Variants in NAV2 observed in about 807,000 individuals in gnomAD.
NAV2 encodes helicase, APC down-regulated 1.
A neutral mutation model predicts 223.2 loss-of-function variants in NAV2; 54 were observed. The observed-to-expected ratio is 0.24, with a 90% confidence interval of 0.19 to 0.30. The LOEUF is 0.30. NAV2 is among the 10% of genes least tolerant of loss of function. NAV2 has a pLI of 1.00. For synonymous variants in NAV2, 1,279 were observed against 1,239.3 expected (o/e 1.03, Z -0.67); for missense variants, 2,806 against 3,147.5 (o/e 0.89, Z 2.60).
In NAV2 at chr11:19,675,024, C is replaced by T. The variant is rs531428047; in HGVS notation, c.76-157460C>T. Among the ~76,000 whole-genome samples, 57 of 152,188 alleles carry T rather than the reference C, an allele frequency of 3.7e-4. No homozygotes were observed. In the South Asian group the frequency reaches 0.012, roughly 32 times the overall value. On this transcript the variant is annotated intron_variant, in intron 1 of 37. Coordinates refer to the NAV2 transcript ENST00000360655. ...ATCAAGAGCCTGAGTGCTTCTAATCCGTCCCCCTCAGGACCTCCAGAGACC... is the reference window on the plus strand; with the variant it reads ...ATCAAGAGCCTGAGTGCTTCTAATCTGTCCCCCTCAGGACCTCCAGAGACC...
At chr11:19,463,330 G>A (rs1852231685) in intron 1 of NAV2, among the ~76,000 whole-genome samples, 2 of 152,152 alleles carry the variant, frequency 1.3e-5, no homozygotes, top group African/African-American at 2.4e-5. Flanking sequence ...AGTTGCCTTC[G>A]AGCAGCTCAC....
intron 1 of NAV2, among the ~76,000 whole-genome samples, chr11:19,353,023 T>C (rs1473229019): frequency 4.6e-5 from 7 of 152,142 alleles, no homozygotes; most frequent in African/African-American, 7.2e-5. Context: ...AAGGCGACTC[T>C]ACAGTGTTTT....
chr11:19,355,638 A>G (rs1384188019), intron 1 of NAV2, among the ~76,000 whole-genome samples: 2 of 151,960 alleles, frequency 1.3e-5, no homozygotes, highest in Non-Finnish European at 2.9e-5. Flanking sequence ...CACTGCTACC[A>G]CCCTAGTTTA....
chr11:19,481,047 G>A (rs1312829708), intron 1 of NAV2, among the ~76,000 whole-genome samples: 6 of 152,134 alleles, frequency 3.9e-5, no homozygotes, highest in East Asian at 1.9e-4. Flanking sequence ...CCTGCAGCCC[G>A]GACAGGTGAC....
intron 3 of NAV2, among the ~76,000 whole-genome samples, chr11:19,854,615 C>G (rs1464558330): frequency 6.6e-6 from 1 of 152,098 alleles, no homozygotes; most frequent in African/African-American, 2.4e-5. Context: ...TGTTACCTGC[C>G]TATCCCCCTG....
chr11:20,037,830 C>A (rs556041564), intron 12 of NAV2, among the ~76,000 whole-genome samples: 1 of 152,302 alleles, frequency 6.6e-6, no homozygotes. Context: ...TTTTCCTTTC[C>A]TTGTGAACAC....
intron 1 of NAV2, among the ~76,000 whole-genome samples, chr11:19,673,032 G>T (rs903533781): frequency 2.0e-5 from 3 of 152,196 alleles, no homozygotes; most frequent in African/African-American, 7.2e-5. Flanking sequence ...GAAAGGAAAA[G>T]AAATAGCCAT....
intron 3 of NAV2, among the ~76,000 whole-genome samples, chr11:19,848,354 G>C (rs1444154296): frequency 6.6e-6 from 1 of 152,236 alleles, no homozygotes; most frequent in Non-Finnish European, 1.5e-5. Flanking sequence ...CCCCTTGCAG[G>C]AGGCCAGCAC....
intron 2 of NAV2, among the ~76,000 whole-genome samples, chr11:19,841,545 G>A (rs76245540): frequency 6.8e-4 from 104 of 152,244 alleles, no homozygotes; most frequent in East Asian, 6.8e-3. Context: ...AACTATACAC[G>A]TCTGCTAGGC....
At chr11:20,098,483 C>T (rs79250631) in intron 31 of NAV2, among the ~76,000 whole-genome samples, 1,699 of 152,310 alleles carry the variant, frequency 0.011, 26 homozygotes, top group African/African-American at 0.039. Context: ...TGAATATAGA[C>T]TTTCATAAAT....
At chr11:19,486,390 C>T (rs1324249862) in intron 1 of NAV2, among the ~76,000 whole-genome samples, 2 of 152,018 alleles carry the variant, frequency 1.3e-5, no homozygotes, top group African/African-American at 4.8e-5. Flanking sequence ...TTGGCTATGT[C>T]CCCACCCAAA....
At chr11:19,619,235 GTA>G (rs2046909031) in intron 1 of NAV2, among the ~76,000 whole-genome samples, 1 of 142,860 alleles carries the variant, frequency 7.0e-6, no homozygotes, top group Non-Finnish European at 1.5e-5. Context: ...GCATGTGTCT[GTA>G]TAGCAGCATG....
intron 31 of NAV2, among the ~76,000 whole-genome samples, chr11:20,099,742 G>A (rs940856740): frequency 6.6e-6 from 1 of 152,140 alleles, no homozygotes; most frequent in Non-Finnish European, 1.5e-5. Context: ...GAGCTCTTGT[G>A]CAAAATAGTC....
intron 5 of NAV2, among the ~76,000 whole-genome samples, chr11:19,882,435 T>A (rs2063271208): frequency 6.6e-6 from 1 of 152,180 alleles, no homozygotes. Flanking sequence ...GGAGAGCAGG[T>A]ATGCATTATG....
chr11:19,957,637 C>T (rs1296778286), intron 10 of NAV2, among the ~76,000 whole-genome samples: 9 of 152,166 alleles, frequency 5.9e-5, no homozygotes, highest in East Asian at 1.9e-4. Flanking sequence ...CCCTTATCGG[C>T]GTCTGGGTAG....
chr11:19,699,045 A>G (rs2049431525), intron 1 of NAV2, among the ~76,000 whole-genome samples: 1 of 152,234 alleles, frequency 6.6e-6, no homozygotes, highest in South Asian at 2.1e-4. Flanking sequence ...GGCGTGAAGA[A>G]GGGCAACTGG....
At chr11:19,730,533 C>T (rs897738343) in intron 1 of NAV2, among the ~76,000 whole-genome samples, 1 of 152,220 alleles carries the variant, frequency 6.6e-6, no homozygotes, top group African/African-American at 2.4e-5. Context: ...AGTGCTGGCT[C>T]AGAGGCCAGA....
intron 8 of NAV2, among the ~76,000 whole-genome samples, chr11:19,942,847 G>A (rs1017438458): frequency 1.3e-5 from 2 of 152,156 alleles, no homozygotes; most frequent in Admixed American, 1.3e-4. Context: ...GCCAGGCATG[G>A]TGGTGCATCT....
At chr11:19,908,964 A>G (rs1410981179) in intron 6 of NAV2, among the ~76,000 whole-genome samples, 2 of 152,198 alleles carry the variant, frequency 1.3e-5, no homozygotes, top group Non-Finnish European at 2.9e-5. Context: ...CTTCATGAGT[A>G]TGAGGATACT....
Sources: gnomAD v4.1 joint callset for allele counts (sites outside exome capture counted in the v4.1 genomes callset) on GRCh38, gnomAD v4.1.1 for gene constraint, MANE v1.5 for transcripts, NCBI Gene and HGNC (gene_info 2026-07-23, HGNC 2026-07-21) for gene names.